Variants in INTS7 observed in about 807,000 individuals in gnomAD.
INTS7 encodes the protein integrator complex subunit 7, also known as chromosome 1 open reading frame 73.
Under a neutral mutation model 109.2 loss-of-function variants are expected in INTS7, and 46 were observed. That is an observed-to-expected ratio of 0.42 (90% CI 0.33 to 0.54). The LOEUF (loss-of-function observed/expected upper bound fraction) is 0.54. Among genes scored for constraint, INTS7 ranks in the 20% least tolerant of loss-of-function variants. INTS7 has a pLI of 0.07. For missense variants in INTS7, 929 were observed against 1,132.4 expected (o/e 0.82, Z 2.58); for synonymous variants, 412 against 402.9 (o/e 1.02, Z -0.27).
intron 5 of INTS7, 152 bp from the exon 6 acceptor site, chr1:212,007,601 G>T: frequency 3.5e-6 from 2 of 569,342 alleles, no homozygotes; most frequent in Non-Finnish European, 6.2e-6. Flanking sequence ...AGAACCAATT[G>T]ATAAATTCAA....
chr1:211,971,311 A>G (rs910589256), intron 13 of INTS7, among the ~76,000 whole-genome samples: 3 of 152,246 alleles, frequency 2.0e-5, no homozygotes, highest in Admixed American at 6.5e-5. Context: ...AAACCTTTGC[A>G]GTAAGTGCAT....
chr1:212,032,030 C>A (rs902529892), intron 1 of INTS7, among the ~76,000 whole-genome samples: 5 of 152,196 alleles, frequency 3.3e-5, no homozygotes, highest in African/African-American at 1.2e-4. Flanking sequence ...AGAGACATCT[C>A]AAATTTAACA....
intron 13 of INTS7, among the ~76,000 whole-genome samples, chr1:211,971,307 T>C (rs774192646): frequency 2.6e-5 from 4 of 152,202 alleles, no homozygotes; most frequent in Admixed American, 2.6e-4. Flanking sequence ...AGAGAAACCT[T>C]TGCAGTAAGT....
chr1:211,972,228 A>G (rs1348749756), intron 13 of INTS7, among the ~76,000 whole-genome samples: 2 of 151,168 alleles, frequency 1.3e-5, no homozygotes, highest in Admixed American at 6.6e-5. Flanking sequence ...ATGTGTAGAT[A>G]TTATGCCTAT....
At chr1:212,013,054 A>T (rs1395691747) in intron 4 of INTS7, among the ~76,000 whole-genome samples, 1 of 152,260 alleles carries the variant, frequency 6.6e-6, no homozygotes, top group Admixed American at 6.5e-5. Flanking sequence ...AGTCATGTGC[A>T]GCATAACAAC....
intron 10 of INTS7, among the ~76,000 whole-genome samples, chr1:211,979,549 A>G (rs1351643816): frequency 6.6e-6 from 1 of 152,250 alleles, no homozygotes; most frequent in African/African-American, 2.4e-5. Flanking sequence ...AATAATAATT[A>G]CGACAAAGGT....
chr1:212,028,510 T>A (rs1422039186), intron 1 of INTS7, among the ~76,000 whole-genome samples: 1 of 152,172 alleles, frequency 6.6e-6, no homozygotes, highest in Non-Finnish European at 1.5e-5. Context: ...TCTGCAGCAA[T>A]TTTTGACTGC....
Position 212,007,385 on chromosome 1 carries a change from A to T in INTS7, c.621T>A (p.Asp207Glu), listed in dbSNP as rs146136698. 7.4e-6 allele frequency: 12 copies of T among 1,613,924 alleles called. No individual in the cohort carries two copies. The highest frequency in any genetic ancestry group is 2.7e-5 in the African/African-American group (2 of 74,904). Residue 207 changes from aspartate to glutamate, a missense_variant, in exon 6 of 20, where the codon GAT (aspartate) becomes GAA (glutamate). Physicochemically the swap from Asp to Glu is conservative, Grantham distance 45. Around this residue, in one of 2 missense-constraint regions of INTS7, gnomAD observed 787 missense variants for 901.1 expected, o/e 0.87. Transcript: ENST00000366994. ...LIPILQHMHHDAILASSARQL... is the reference protein window; with the variant it reads ...LIPILQHMHHEAILASSARQL... ...GACGAGCACTGGAAGCCAAGATTGC[A>T]TCATGGTGCATGTGCTGTAGAATGG...
chr1:212,014,465 C>CAAAAAA (rs1165612101), intron 4 of INTS7, among the ~76,000 whole-genome samples: 10 of 28,046 alleles, frequency 3.6e-4, no homozygotes, highest in African/African-American at 6.8e-4. Context: ...AACTCCATCT[C>CAAAAAA]AAAAAAAAAA....
At chr1:212,012,274 A>AG (rs1666196538) in intron 4 of INTS7, among the ~76,000 whole-genome samples, 1 of 150,266 alleles carries the variant, frequency 6.7e-6, no homozygotes, top group South Asian at 2.1e-4. Context: ...TTGGGGGGGG[A>AG]GGGGGCGGAG....
chr1:212,005,361 G>A (rs996540891), intron 7 of INTS7, among the ~76,000 whole-genome samples: 1 of 152,172 alleles, frequency 6.6e-6, no homozygotes, highest in East Asian at 1.9e-4. Context: ...TTTCAACCAG[G>A]AAGGACCACG....
At chr1:211,971,915 CAAAAAAAA>C (rs745814699) in intron 13 of INTS7, among the ~76,000 whole-genome samples, 2 of 79,820 alleles carry the variant, frequency 2.5e-5, no homozygotes, top group African/African-American at 4.9e-5. Context: ...AACTCAGTCT[CAAAAAAAA>C]AAAAAAAAAA....
intron 1 of INTS7, among the ~76,000 whole-genome samples, chr1:212,022,684 GTT>G (rs1666759872): frequency 6.6e-6 from 1 of 152,188 alleles, no homozygotes; most frequent in Non-Finnish European, 1.5e-5. Context: ...CTCATACCTT[GTT>G]AGTGGGAATG....
Position 211,943,759 on chromosome 1 carries a change from A to G in INTS7, c.2601+1025T>C, listed in dbSNP as rs1302848838. Among the ~76,000 whole-genome samples, 3 of 152,200 alleles carry G rather than the reference A, an allele frequency of 2.0e-5. No homozygotes were observed. The East Asian group carries it at 5.8e-4, about 29-fold the overall frequency. ...TTTTAACCTAAAACCACCAAAGATA[A>G]TAAAATGCTCTCTTTTTATACCTTC... On this transcript the variant is annotated intron_variant, in intron 19 of 19. Transcript: ENST00000366994.
intron 12 of INTS7, among the ~76,000 whole-genome samples, chr1:211,976,274 T>A (rs1276290143): frequency 6.6e-6 from 1 of 152,134 alleles, no homozygotes; most frequent in African/African-American, 2.4e-5. Context: ...GAAAGGAAGA[T>A]AGAAACAGCG....
At chr1:212,013,209 A>AG (rs1571905292) in intron 4 of INTS7, among the ~76,000 whole-genome samples, 1 of 152,122 alleles carries the variant, frequency 6.6e-6, no homozygotes, top group African/African-American at 2.4e-5. Context: ...CTTTTCTTTG[A>AG]GGGGTCTCAC....
At chr1:212,029,078 G>C (rs1182111664) in intron 1 of INTS7, among the ~76,000 whole-genome samples, 4 of 152,164 alleles carry the variant, frequency 2.6e-5, no homozygotes, top group Non-Finnish European at 5.9e-5. Flanking sequence ...GGAATTAGGG[G>C]AATACCATAA....
intron 16 of INTS7, among the ~76,000 whole-genome samples, chr1:211,960,875 T>C (rs1014728681): frequency 2.0e-5 from 3 of 151,504 alleles, no homozygotes; most frequent in African/African-American, 7.3e-5. Context: ...ATTAGCCAAG[T>C]ATGGTGCTGC....
intron 15 of INTS7, among the ~76,000 whole-genome samples, 184 bp downstream of exon 15, chr1:211,967,694 G>T (rs1276451859): frequency 6.6e-6 from 1 of 151,970 alleles, no homozygotes; most frequent in Non-Finnish European, 1.5e-5. Context: ...ACCATTTTTT[G>T]TTAAAATCCT....
Sources: gnomAD v4.1 joint callset for allele counts (sites outside exome capture counted in the v4.1 genomes callset) on GRCh38, gnomAD v4.1.1 for gene constraint, gnomAD v4.1.1 regional missense constraint, MANE v1.5 for transcripts, NCBI Gene and HGNC (gene_info 2026-07-23, HGNC 2026-07-21) for gene names.